Variants in NIT2 observed in about 807,000 individuals in gnomAD.
The protein encoded by NIT2 is omega-amidase NIT2.
A neutral mutation model predicts 42.7 loss-of-function variants in NIT2; 46 were observed. The ratio of observed to expected loss-of-function variants is 1.08; its 90% CI spans 0.85 to 1.38. The LOEUF (loss-of-function observed/expected upper bound fraction) is 1.38. Ranked by LOEUF, NIT2 falls within the 40% of genes most tolerant of loss-of-function variation. The pLI is 0.00. For synonymous variants in NIT2, 123 were observed against 121.9 expected (o/e 1.01, Z -0.06); for missense variants, 309 against 342.5 (o/e 0.90, Z 0.77).
intron 4 of NIT2, 25 bp downstream of exon 4, chr3:100,341,186 A>G (rs1204493364): frequency 6.5e-7 from 1 of 1,541,660 alleles, no homozygotes; most frequent in East Asian, 2.2e-5. Context: ...TGGCATAAGA[A>G]TTTGTTATCT....
chr3:100,337,063 G>A (rs1340602404), intron 1 of NIT2, among the ~76,000 whole-genome samples: 1 of 152,226 alleles, frequency 6.6e-6, no homozygotes, highest in Non-Finnish European at 1.5e-5. Context: ...GGAGCATGCT[G>A]CCTTCATGCA....
At chr3:100,347,339 A>G (rs1257541975) in intron 6 of NIT2, among the ~76,000 whole-genome samples, 1 of 151,908 alleles carries the variant, frequency 6.6e-6, no homozygotes, top group Non-Finnish European at 1.5e-5. Flanking sequence ...CAGGTGATCT[A>G]CCCGCCTCGG....
chr3:100,334,818 G>A lies in NIT2; in HGVS notation c.7+20G>A, dbSNP rs765600405. On this transcript the variant is annotated intron_variant, in intron 1 of 9. Transcript: ENST00000394140. ...TGACCTGTAAGTGGCGCGGCCGCGC[G>A]CTGCAGCTCGAGTTCGGGCCGCGGG... 7.8e-7 allele frequency: 1 copy of A among 1,289,232 alleles called. No individual in the cohort carries two copies. The highest frequency in any genetic ancestry group is 2.9e-5 in the East Asian group (1 of 34,648). 79.9% of individuals were successfully genotyped at this position (1,289,232 alleles called of 1,614,324 possible). A position where few individuals can be genotyped will look rare whatever the true frequency, so the allele number is the denominator to read the frequency against.
In NIT2 at chr3:100,352,447, C is replaced by T. The variant is rs548244619; in HGVS notation, c.628C>T (p.Arg210Trp). The part of the protein sequence containing the change: ...QVYVATASPA[R>W]DDKASYVAWG... ...GTATGTGGCCACAGCCTCTCCTGCC[C>T]GGGATGACAAAGCCTCCTATGTTGC... The change falls in exon 8 of 10, where the codon CGG (arginine) becomes TGG (tryptophan). Residue 210 changes from arginine (R) to tryptophan (W), a missense_variant. Physicochemically the swap from Arg to Trp is moderately radical, Grantham distance 101. Transcript: ENST00000394140. 18 of 1,613,388 alleles carry T rather than the reference C, an allele frequency of 1.1e-5. No homozygotes were observed. The highest frequency in any genetic ancestry group is 7.7e-5 in the South Asian group (7 of 91,062).
Position 100,334,809 on chromosome 3 carries a change from C to T in NIT2, c.7+11C>T. On this transcript the variant is annotated intron_variant, in intron 1 of 9. Transcript: ENST00000394140. ...GCAGAGTCATGACCTGTAAGTGGCG[C>T]GGCCGCGCGCTGCAGCTCGAGTTCG... 1 of 1,301,210 alleles carries T rather than the reference C, an allele frequency of 7.7e-7. No homozygotes were observed. The highest frequency in any genetic ancestry group is 9.8e-7 in the Non-Finnish European group (1 of 1,020,164). 80.6% of individuals were successfully genotyped at this position (1,301,210 alleles called of 1,614,324 possible). A position where few individuals can be genotyped will look rare whatever the true frequency, so the allele number is the denominator to read the frequency against.
In NIT2 at chr3:100,355,323, C is replaced by T. The variant is rs1215721127; in HGVS notation, c.*55C>T. On this transcript the variant is annotated 3_prime_UTR_variant, in exon 10 of 10. Transcript: ENST00000394140. ...GGACGATATGATTCTACAACATAAT[C>T]AACTCCCTATTAAATTCTTTAATGA... The T allele has an allele frequency of 7.7e-7, 1 of 1,296,260 alleles. No homozygotes were observed. Among genetic ancestry groups the T allele is most frequent in the African/African-American group, 1.5e-5 (1 of 66,918 alleles). The allele number at this position is 1,296,260 out of a possible 1,614,324, so 80.3% of individuals were successfully genotyped here.
chr3:100,340,000 G>A (rs748845355), intron 3 of NIT2, 65 bp downstream of exon 3: 2 of 1,422,288 alleles, frequency 1.4e-6, no homozygotes, highest in Non-Finnish European at 9.6e-7. Context: ...GTCAGGTGTG[G>A]TGGCGTGCGC....
chr3:100,361,177 A>T lies in NIT2; in HGVS notation c.*5909A>T, dbSNP rs1706380293. The T allele has an allele frequency of 6.6e-6, 1 of 152,302 alleles. No homozygotes were observed. Among genetic ancestry groups the T allele is most frequent in the East Asian group, 1.9e-4 (1 of 5,208 alleles). The allele number at this position is 152,302 out of a possible 1,614,324, so 9.4% of individuals were successfully genotyped here. On this transcript the variant is annotated 3_prime_UTR_variant, in exon 10 of 10. Coordinates refer to ENST00000394140, the MANE Select transcript of NIT2 (RefSeq NM_020202.5). ...ACACAGAGCAATATTGAGAAATAAA[A>T]TCAGGTAAAAGTTATTTAATATAGC... is the stretch of plus-strand genomic sequence containing the variant.
chr3:100,338,667 A>T (rs574816978), intron 1 of NIT2, among the ~76,000 whole-genome samples: 1 of 152,318 alleles, frequency 6.6e-6, no homozygotes, highest in South Asian at 2.1e-4. Context: ...AACAAACAGT[A>T]AGGGACAGGA....
At chr3:100,338,272 T>C (rs1191301932) in intron 1 of NIT2, among the ~76,000 whole-genome samples, 2 of 152,246 alleles carry the variant, frequency 1.3e-5, no homozygotes, top group Non-Finnish European at 2.9e-5. Context: ...CCCAGTTCCC[T>C]TGTTCAGATA....
rs1416353752 is a variant in NIT2, at chr3:100,358,908, A to C, written c.*3640A>C. On this transcript the variant is annotated 3_prime_UTR_variant, in exon 10 of 10. Coordinates refer to ENST00000394140, the MANE Select transcript of NIT2 (RefSeq NM_020202.5). The stretch of plus-strand genomic sequence containing the variant: ...TTTTGGTGGTGCGTGGGTACAATGA[A>C]GCCAGGAGGGATAGAAAGGGAAATG... 4 of 152,268 alleles carry C rather than the reference A, an allele frequency of 2.6e-5. No individual in the cohort carries two copies. Among genetic ancestry groups the C allele is most frequent in the African/African-American group, 7.2e-5 (3 of 41,454 alleles). The allele number at this position is 152,268 out of a possible 1,614,324, so 9.4% of individuals were successfully genotyped here. A position where few individuals can be genotyped will look rare whatever the true frequency, so the allele number is the denominator to read the frequency against.
chr3:100,339,785 C>A (rs917564680), intron 2 of NIT2, 30 bp from the exon 3 acceptor site: 3 of 1,574,158 alleles, frequency 1.9e-6, no homozygotes, highest in Admixed American at 1.8e-5. Flanking sequence ...GTGTTTTGAT[C>A]TTTTTTTTTC....
intron 4 of NIT2, among the ~76,000 whole-genome samples, chr3:100,345,211 G>A (rs1286039827): frequency 6.6e-6 from 1 of 151,976 alleles, no homozygotes; most frequent in African/African-American, 2.4e-5. Context: ...CGCCCACCTC[G>A]GCCTCCCAAA....
intron 1 of NIT2, among the ~76,000 whole-genome samples, chr3:100,337,110 A>G (rs761464688): frequency 4.6e-5 from 7 of 152,214 alleles, no homozygotes; most frequent in Non-Finnish European, 8.8e-5. Context: ...CCCTTAATCC[A>G]TTTAACCCTG....
At chr3:100,355,148 T>C (rs766633909) in intron 9 of NIT2, 29 bp from the exon 10 acceptor site, 21 of 1,555,294 alleles carry the variant, frequency 1.4e-5, no homozygotes, top group Non-Finnish European at 1.9e-5. Context: ...TTGCAAATTA[T>C]TAATAGTGCA....
At chr3:100,339,472 A>G (rs140038176) in intron 2 of NIT2, among the ~76,000 whole-genome samples, 1 of 152,210 alleles carries the variant, frequency 6.6e-6, no homozygotes, top group East Asian at 1.9e-4. Context: ...GACTTACGGA[A>G]AACTAAAATA....
At chr3:100,346,327 T>C in intron 6 of NIT2, 72 bp downstream of exon 6, 2 of 1,365,862 alleles carry the variant, frequency 1.5e-6, no homozygotes, top group South Asian at 1.2e-5. Flanking sequence ...TGTGGGATCC[T>C]TAGTCAAGAA....
chr3:100,335,703 A>G (rs1706061669), intron 1 of NIT2, among the ~76,000 whole-genome samples: 1 of 152,070 alleles, frequency 6.6e-6, no homozygotes, highest in African/African-American at 2.4e-5. Context: ...TATCTTTCCC[A>G]CCCTCGGAAG....
intron 2 of NIT2, 35 bp from the exon 3 acceptor site, chr3:100,339,780 T>G: frequency 6.3e-7 from 1 of 1,591,790 alleles, no homozygotes; most frequent in Non-Finnish European, 8.6e-7. Flanking sequence ...GGTGGGTGTT[T>G]TGATCTTTTT....
Sources: allele counts gnomAD v4.1 joint callset (sites outside exome capture counted in the v4.1 genomes callset), GRCh38; gene constraint gnomAD v4.1.1; transcripts MANE v1.5; gene names NCBI Gene and HGNC (gene_info 2026-07-23, HGNC 2026-07-21).